TUSC3: variants seen among roughly 807,000 people sequenced by gnomAD.
TUSC3 encodes dolichyl-diphosphooligosaccharide--protein glycosyltransferase subunit TUSC3.
In TUSC3, 45 loss-of-function variants were observed where a neutral mutation model predicts 44.8. That is an observed-to-expected ratio of 1.00 (90% CI 0.79 to 1.29). The LOEUF (loss-of-function observed/expected upper bound fraction) is 1.29. Ranked by LOEUF, TUSC3 falls within the 50% of genes most tolerant of loss-of-function variation. The pLI, the probability that TUSC3 is intolerant of heterozygous loss-of-function variation, is 0.00. For missense variants in TUSC3, 519 were observed against 437.9 expected (o/e 1.19, Z -1.65); for synonymous variants, 212 against 152.9 (o/e 1.39, Z -2.85).
rs373895192 is a variant in TUSC3, at chr8:15,606,754, T to A, written c.139-16326T>A. Among the ~76,000 whole-genome samples, 8 of 152,092 alleles carry A rather than the reference T, an allele frequency of 5.3e-5. No individual in the cohort carries two copies. The East Asian group carries it at 1.3e-3, about 26-fold the overall frequency. ...ACTTTGTCTGATTATTTCTTTAGGA[T>A]AAATTCCTAGAAATGGCATTGATGA... is the stretch of plus-strand genomic sequence containing the variant. On this transcript the variant is annotated intron_variant, in intron 1 of 10. Coordinates refer to ENST00000503731, the MANE Select transcript of TUSC3 (RefSeq NM_006765.4).
chr8:15,615,831 C>A (rs925487303), intron 1 of TUSC3, among the ~76,000 whole-genome samples: 1 of 152,122 alleles, frequency 6.6e-6, no homozygotes, highest in South Asian at 2.1e-4. Context: ...CCCATAAGTA[C>A]TGAAATGAAA....
chr8:15,486,773 A>G (rs764802196), intron 2 of TUSC3, among the ~76,000 whole-genome samples: 5 of 152,250 alleles, frequency 3.3e-5, no homozygotes, highest in Non-Finnish European at 7.4e-5. Context: ...AGGTAAGCCT[A>G]TATTTTCCTT....
At chr8:15,817,395 G>A in the TUSC3 span, among the ~76,000 whole-genome samples, 9 of 151,674 alleles carry the variant, frequency 5.9e-5, no homozygotes, top group African/African-American at 2.2e-4. Context: ...GGGTAACTAT[G>A]TGGTACACTT....
At chr8:15,496,948 C>T (rs943605658) in intron 2 of TUSC3, among the ~76,000 whole-genome samples, 3 of 151,940 alleles carry the variant, frequency 2.0e-5, no homozygotes, top group South Asian at 4.2e-4. Flanking sequence ...TTACTACCTG[C>T]CAGAACCTGT....
chr8:15,417,549 G>A (rs920988553), intron 1 of TUSC3, among the ~76,000 whole-genome samples: 2 of 152,136 alleles, frequency 1.3e-5, no homozygotes, highest in Non-Finnish European at 2.9e-5. Context: ...GTCATATGAC[G>A]GCAAGTCACT....
intron 2 of TUSC3, among the ~76,000 whole-genome samples, chr8:15,521,612 A>AC (rs11309890): frequency 0.09 from 13,538 of 150,866 alleles, 1,873 homozygotes; most frequent in African/African-American, 0.3. Context: ...ATAGGTAATT[A>AC]CCCCCCCCAA....
At chr8:15,706,119 A>G (rs968537121) in intron 6 of TUSC3, among the ~76,000 whole-genome samples, 2 of 152,008 alleles carry the variant, frequency 1.3e-5, no homozygotes, top group African/African-American at 2.4e-5. Context: ...GTTAACTCCT[A>G]TTGTCTCAGT....
chr8:15,776,745 C>T, the TUSC3 span, among the ~76,000 whole-genome samples: 1 of 152,202 alleles, frequency 6.6e-6, no homozygotes, highest in African/African-American at 2.4e-5. Context: ...GTGCTATATT[C>T]TACCATCACA....
the TUSC3 span, among the ~76,000 whole-genome samples, chr8:15,781,121 C>T: frequency 8.5e-5 from 13 of 152,134 alleles, no homozygotes; most frequent in East Asian, 3.9e-4. Context: ...GTTGCCCCAG[C>T]GATGTAGATC....
intron 1 of TUSC3, among the ~76,000 whole-genome samples, chr8:15,481,539 A>G (rs574513944): frequency 1.6e-4 from 25 of 152,268 alleles, no homozygotes; most frequent in Admixed American, 1.6e-3. Flanking sequence ...TCATTTTCTC[A>G]GCATTCCACA....
chr8:15,516,364 C>G (rs1801215619), intron 2 of TUSC3, among the ~76,000 whole-genome samples: 1 of 152,144 alleles, frequency 6.6e-6, no homozygotes, highest in Non-Finnish European at 1.5e-5. Context: ...TATGTACTAG[C>G]TGACTTCTTG....
the TUSC3 span, among the ~76,000 whole-genome samples, chr8:15,779,664 A>AT: frequency 6.6e-6 from 1 of 152,240 alleles, no homozygotes; most frequent in African/African-American, 2.4e-5. Flanking sequence ...CTAGCATTTG[A>AT]TTAAAAGAGT....
At chr8:15,691,628 T>C (rs778582058) in intron 6 of TUSC3, among the ~76,000 whole-genome samples, 1 of 152,240 alleles carries the variant, frequency 6.6e-6, no homozygotes, top group Non-Finnish European at 1.5e-5. Flanking sequence ...CCATTCACTA[T>C]GATGTTGGCA....
At chr8:15,743,390 T>C (rs945235093) in intron 7 of TUSC3, 148 bp from the exon 8 acceptor site, 2 of 802,166 alleles carry the variant, frequency 2.5e-6, no homozygotes, top group Non-Finnish European at 4.2e-6. Context: ...CAAAGAATGG[T>C]AATTTTATGT....
chr8:15,812,373 T>C, the TUSC3 span, among the ~76,000 whole-genome samples: 2 of 152,200 alleles, frequency 1.3e-5, no homozygotes, highest in Non-Finnish European at 1.5e-5. Context: ...AAAGTGCACA[T>C]ATTGATAAAA....
At chr8:15,699,195 A>T (rs1809294381) in intron 6 of TUSC3, among the ~76,000 whole-genome samples, 1 of 152,180 alleles carries the variant, frequency 6.6e-6, no homozygotes, top group Non-Finnish European at 1.5e-5. Context: ...ATACACTGTA[A>T]ATATAACTAG....
chr8:15,453,554 C>A (rs965777097), intron 1 of TUSC3, among the ~76,000 whole-genome samples: 20 of 152,222 alleles, frequency 1.3e-4, no homozygotes, highest in Non-Finnish European at 2.9e-5. Flanking sequence ...CTTCTCCCAT[C>A]TAGCTGCAGT....
At chr8:15,562,184 A>G (rs957966181) in intron 1 of TUSC3, among the ~76,000 whole-genome samples, 3 of 152,136 alleles carry the variant, frequency 2.0e-5, no homozygotes, top group Admixed American at 6.5e-5. Flanking sequence ...TCACTACACA[A>G]TTACTGCGTG....
At chr8:15,664,612 A>T (rs1442622398) in intron 5 of TUSC3, among the ~76,000 whole-genome samples, 1 of 149,632 alleles carries the variant, frequency 6.7e-6, no homozygotes, top group Non-Finnish European at 1.5e-5. Context: ...GCTGCAGAGA[A>T]CAGACATGTT....
Sources: allele counts gnomAD v4.1 joint callset (sites outside exome capture counted in the v4.1 genomes callset), GRCh38; gene constraint gnomAD v4.1.1; transcripts MANE v1.5; gene names NCBI Gene and HGNC (gene_info 2026-07-23, HGNC 2026-07-21).